CRYBG1: variants seen among roughly 807,000 people sequenced by gnomAD.
The protein encoded by CRYBG1 is crystallin beta-gamma domain containing 1, also known as beta/gamma crystallin domain-containing protein 1.
CRYBG1 carries 139 observed loss-of-function variants against 189.2 expected under a neutral mutation model. The observed-to-expected ratio is 0.73, with a 90% confidence interval of 0.64 to 0.85. The LOEUF is 0.85. CRYBG1 is among the 40% of genes least tolerant of loss of function. The pLI is 0.00. For missense variants in CRYBG1, 2,611 were observed against 2,675.8 expected, an observed-to-expected ratio of 0.98 and a Z score of 0.53; for synonymous variants, 1,023 against 1,017.1, an observed-to-expected ratio of 1.01 and a Z score of -0.11.
Position 106,360,839 on chromosome 6 carries a change from G to GTTC in CRYBG1, c.-66_-64dup. 2 of 1,448,160 alleles carry GTTC rather than the reference G, an allele frequency of 1.4e-6. No homozygotes were observed. 89.7% of individuals were successfully genotyped at this position (1,448,160 alleles called of 1,614,324 possible). Reference sequence around the variant, plus strand: ...GGCGGGCGAGCTGGCGCTCAGGTGTGTTCTTCCATAGGGCCCGGGCGGCAG... The same window carrying GTTC: ...GGCGGGCGAGCTGGCGCTCAGGTGTGTTCTTCTTCCATAGGGCCCGGGCGGCAG... On this transcript the variant is annotated 5_prime_UTR_variant, in exon 1 of 22. Coordinates refer to ENST00000633556, the MANE Select transcript of CRYBG1 (RefSeq NM_001371242.2).
chr6:106,371,278 A>G (rs1243989029), intron 1 of CRYBG1, among the ~76,000 whole-genome samples: 2 of 152,232 alleles, frequency 1.3e-5, no homozygotes, highest in South Asian at 2.1e-4. Flanking sequence ...TGCATCTGCT[A>G]TTAGTAAAAG....
intron 2 of CRYBG1, among the ~76,000 whole-genome samples, chr6:106,501,897 A>C (rs1262349255): frequency 3.3e-5 from 5 of 152,216 alleles, no homozygotes; most frequent in African/African-American, 4.8e-5. Context: ...CCACACTTAC[A>C]AACATGGCTA....
Position 106,512,059 on chromosome 6 carries a change from C to T in CRYBG1, c.942C>T (p.Asn314=), listed in dbSNP as rs772987179. Residue 314 remains asparagine, a synonymous_variant, in exon 3 of 22, where the codon AAC becomes AAT. Coordinates refer to ENST00000633556, the MANE Select transcript of CRYBG1 (RefSeq NM_001371242.2). Reference sequence around the variant, plus strand: ...CGGGAGGACTAGGCGAGGCCCCTAACGGAGCCCCCAGTGTGTGTGCCGAAG... The same window carrying T: ...CGGGAGGACTAGGCGAGGCCCCTAATGGAGCCCCCAGTGTGTGTGCCGAAG... ...RPAGGLGEAP[N]GAPSVCAEEG... 1.3e-5 allele frequency: 20 copies of T among 1,533,418 alleles called. No homozygotes were observed. In the South Asian group the frequency reaches 1.7e-4, roughly 13 times the overall value. 95.0% of individuals were successfully genotyped at this position (1,533,418 alleles called of 1,614,324 possible). A position where few individuals can be genotyped will look rare whatever the true frequency, so the allele number is the denominator to read the frequency against.
At chr6:106,407,424 T>A (rs1319413408) in intron 1 of CRYBG1, among the ~76,000 whole-genome samples, 1 of 152,030 alleles carries the variant, frequency 6.6e-6, no homozygotes, top group African/African-American at 2.4e-5. Context: ...TTGACTCCCA[T>A]ACAATAATAG....
intron 1 of CRYBG1, among the ~76,000 whole-genome samples, chr6:106,362,804 T>G (rs1771905866): frequency 1.3e-5 from 2 of 152,220 alleles, no homozygotes; most frequent in Non-Finnish European, 2.9e-5. Context: ...AACATTGAAG[T>G]TCTTTTCTAT....
chr6:106,487,755 C>G (rs1212603540), intron 2 of CRYBG1, among the ~76,000 whole-genome samples: 2 of 152,118 alleles, frequency 1.3e-5, no homozygotes, highest in Non-Finnish European at 2.9e-5. Context: ...TTATATTTCA[C>G]TGAGTTTCCT....
Position 106,525,268 on chromosome 6 carries a change from G to T in CRYBG1, c.4294G>T (p.Val1432Leu), listed in dbSNP as rs777590356. Residue 1432 changes from valine (V) to leucine (L), a missense_variant and splice_region_variant, in exon 6 of 22, where the codon GTA (valine) becomes TTA (leucine). Around this residue, in one of 3 missense-constraint regions of CRYBG1, gnomAD observed 1,622 missense variants for 1,735.0 expected, o/e 0.93. Coordinates refer to ENST00000633556, the MANE Select transcript of CRYBG1 (RefSeq NM_001371242.2). ...QNKLNPRPGK[V>L]VIYSEPDVSE... is the part of the protein sequence containing the mutation. ...TGCTACCACTTTCGTTTTCTTGCAG[G>T]TAGTGATATATAGTGAACCCGACGT... 1 of 1,613,968 alleles carries T rather than the reference G, an allele frequency of 6.2e-7. No individual in the cohort carries two copies. Among genetic ancestry groups the T allele is most frequent in the Non-Finnish European group, 8.5e-7 (1 of 1,179,870 alleles).
Position 106,482,592 on chromosome 6 carries a change from C to G in CRYBG1, c.313-28838C>G, listed in dbSNP as rs11152995. On this transcript the variant is annotated intron_variant, in intron 2 of 21. Coordinates refer to ENST00000633556, the MANE Select transcript of CRYBG1 (RefSeq NM_001371242.2). ...AGATCGAGACCATCCTGGCTAACAC[C>G]GTGAAACCCCGTCTCTACTAAAAAT... is the stretch of plus-strand genomic sequence containing the variant. Among the ~76,000 whole-genome samples, 114 of 151,690 alleles carry G rather than the reference C, an allele frequency of 7.5e-4. 1 individual carries two copies. Among genetic ancestry groups the G allele is most frequent in the Admixed American group, 1.0e-3 (16 of 15,258 alleles).
intron 2 of CRYBG1, among the ~76,000 whole-genome samples, chr6:106,507,370 A>C (rs1217974917): frequency 6.6e-6 from 1 of 152,192 alleles, no homozygotes; most frequent in Non-Finnish European, 1.5e-5. Flanking sequence ...GTGGGCAGAA[A>C]ATACACAGTA....
chr6:106,442,233 G>C (rs1771578327), intron 1 of CRYBG1, among the ~76,000 whole-genome samples: 1 of 152,204 alleles, frequency 6.6e-6, no homozygotes, highest in Admixed American at 6.5e-5. Context: ...GAAATGCCAT[G>C]AAGTAATGAT....
intron 1 of CRYBG1, among the ~76,000 whole-genome samples, chr6:106,388,291 C>T (rs17317528): frequency 0.035 from 5,372 of 152,270 alleles, 127 homozygotes; most frequent in Middle Eastern, 0.095. Flanking sequence ...CCCAAATTTT[C>T]TAGGTCCTGA....
chr6:106,466,605 A>G (rs1772119371), intron 2 of CRYBG1, among the ~76,000 whole-genome samples: 1 of 152,244 alleles, frequency 6.6e-6, no homozygotes, highest in South Asian at 2.1e-4. Context: ...AGCCTTTAGA[A>G]ATGAAAAATA....
At chr6:106,372,174 C>A (rs1417178037) in intron 1 of CRYBG1, among the ~76,000 whole-genome samples, 1 of 152,116 alleles carries the variant, frequency 6.6e-6, no homozygotes, top group Non-Finnish European at 1.5e-5. Flanking sequence ...TATCTTAATG[C>A]CACTCCATAA....
At chr6:106,525,014 G>A (rs1582817784) in intron 4 of CRYBG1, 119 bp from the exon 5 acceptor site, 2 of 989,308 alleles carry the variant, frequency 2.0e-6, no homozygotes, top group East Asian at 2.5e-5. Flanking sequence ...TAGAGTGGAG[G>A]TTTCAAAATC....
In CRYBG1 at chr6:106,511,791, A is replaced by G; in HGVS notation, c.674A>G (p.Gln225Arg). ...WSSSAAAVAV[Q>R]QCHENDSPQL... ...AGCAGTGCAGCGGCTGTGGCTGTGC[A>G]GCAGTGCCATGAAAATGATTCACCC... Residue 225 changes from glutamine to arginine, a missense_variant, in exon 3 of 22, where the codon CAG becomes CGG. Gln to Arg is a conservative substitution (Grantham distance 43). This residue lies in a region of CRYBG1 where 985 missense variants were observed against 924.4 expected (regional missense o/e 1.07). Coordinates refer to ENST00000633556, the MANE Select transcript of CRYBG1 (RefSeq NM_001371242.2). The G allele has an allele frequency of 6.5e-7, 1 of 1,530,836 alleles. No individual in the cohort carries two copies. The highest frequency in any genetic ancestry group is 8.7e-7 in the Non-Finnish European group (1 of 1,143,656). 94.8% of individuals were successfully genotyped at this position (1,530,836 alleles called of 1,614,324 possible).
chr6:106,399,054 G>A (rs1331262297), intron 1 of CRYBG1, among the ~76,000 whole-genome samples: 2 of 152,024 alleles, frequency 1.3e-5, no homozygotes, highest in Non-Finnish European at 2.9e-5. Context: ...TTCTCAGTGA[G>A]GAAGTTTGCC....
rs1291537807 is a variant in CRYBG1 at position 106,485,172 on chromosome 6, T to C, written c.313-26258T>C. On this transcript the variant is annotated intron_variant, in intron 2 of 21. Transcript: ENST00000633556. ...CATTTGTGTTCTTCTTCAATTTCTT[T>C]AATCAAAGTTTTATAGTTTTCAGTG... 2.0e-5 allele frequency among the ~76,000 whole-genome samples: 3 copies of C among 152,348 alleles called. No homozygotes were observed. In the East Asian group the frequency reaches 5.8e-4, roughly 29 times the overall value.
intron 1 of CRYBG1, among the ~76,000 whole-genome samples, chr6:106,417,326 T>G (rs974597457): frequency 3.3e-5 from 5 of 152,074 alleles, no homozygotes; most frequent in African/African-American, 4.8e-5. Flanking sequence ...GGGCATAAGA[T>G]GTAACGCTCA....
chr6:106,496,689 G>A lies in CRYBG1; in HGVS notation c.313-14741G>A, dbSNP rs188067231. 2.0e-5 allele frequency among the ~76,000 whole-genome samples: 3 copies of A among 152,270 alleles called. No homozygotes were observed. In the East Asian group the frequency reaches 5.8e-4, roughly 29 times the overall value. On this transcript the variant is annotated intron_variant, in intron 2 of 21. Transcript: ENST00000633556. ...CTATGTACATTGATAGGTAAACTTAGGTTGGTGAGAATGGCAGGAGGAGGT... is the reference window on the plus strand; with the variant it reads ...CTATGTACATTGATAGGTAAACTTAAGTTGGTGAGAATGGCAGGAGGAGGT...
Sources: allele counts gnomAD v4.1 joint callset (sites outside exome capture counted in the v4.1 genomes callset), GRCh38; gene constraint gnomAD v4.1.1; regional missense constraint gnomAD v4.1.1; transcripts MANE v1.5; gene names NCBI Gene and HGNC (gene_info 2026-07-23, HGNC 2026-07-21).